NBEA: variants seen among roughly 807,000 people sequenced by gnomAD.
NBEA encodes the protein neurobeachin, also known as lysosomal-trafficking regulator 2.
NBEA carries 44 observed loss-of-function variants against 343.4 expected under a neutral mutation model. The observed-to-expected ratio is 0.13, with a 90% CI of 0.10 to 0.16. The LOEUF (loss-of-function observed/expected upper bound fraction) is 0.16, where lower values mean the gene tolerates loss of function less well. Ranked by LOEUF, NBEA falls within the 10% of genes least tolerant of loss-of-function variation. The probability of loss-of-function intolerance (pLI) is 1.00; values close to 1 mark genes in which losing one functional copy is unlikely to be tolerated. For synonymous variants in NBEA, 1,175 were observed against 1,238.7 expected (o/e 0.95, Z 1.08); for missense variants, 2,555 against 3,631.3 (o/e 0.70, Z 7.62).
At position 35,173,567 on chromosome 13, in the gene NBEA, A is replaced by G. The variant is rs751876530; in HGVS notation, c.4527A>G (p.Gln1509=). 3.1e-6 allele frequency: 5 copies of G among 1,611,860 alleles called. No homozygotes were observed. The Admixed American group carries it at 8.3e-5, about 27-fold the overall frequency. Residue 1509 remains glutamine, a synonymous_variant, in exon 27 of 59, where the codon CAA becomes CAG. Coordinates refer to ENST00000379939, the MANE Select transcript of NBEA (RefSeq NM_001385012.1). ...GCAGTAAACCTCAGGAAGTTCCTCA[A>G]AGTGTGACTGCTACAGCAGCTTCGA... ...HGSSKPQEVP[Q]SVTATAASKT...
intron 1 of NBEA, among the ~76,000 whole-genome samples, chr13:34,954,271 A>G (rs2059429229): frequency 6.6e-6 from 1 of 152,190 alleles, no homozygotes; most frequent in African/African-American, 2.4e-5. Context: ...CCAATCCCCC[A>G]GAGATATCAA....
At chr13:35,404,835 C>T (rs2043191637) in intron 38 of NBEA, among the ~76,000 whole-genome samples, 2 of 151,990 alleles carry the variant, frequency 1.3e-5, no homozygotes, top group African/African-American at 4.8e-5. Context: ...AGAGGAATGT[C>T]ATGTGATACG....
intron 47 of NBEA, among the ~76,000 whole-genome samples, chr13:35,593,896 T>C (rs1340246065): frequency 6.6e-6 from 1 of 152,088 alleles, no homozygotes; most frequent in Non-Finnish European, 1.5e-5. Context: ...CTTTTCCGTA[T>C]AGCCTTAGCT....
chr13:35,465,823 G>GTTTTTTTTTTTTT (rs35032851), intron 40 of NBEA, among the ~76,000 whole-genome samples: 1 of 146,242 alleles, frequency 6.8e-6, no homozygotes. Context: ...AAATGCAGCA[G>GTTTTTTTTTTTTT]TTTTTTTTTT....
intron 8 of NBEA, among the ~76,000 whole-genome samples, chr13:35,067,518 A>G (rs368264881): frequency 3.9e-5 from 6 of 152,128 alleles, no homozygotes; most frequent in African/African-American, 1.4e-4. Context: ...TAAACTTACA[A>G]AGTTGTGCGG....
intron 38 of NBEA, among the ~76,000 whole-genome samples, chr13:35,370,991 T>C (rs571996907): frequency 2.0e-5 from 3 of 152,226 alleles, no homozygotes; most frequent in African/African-American, 7.2e-5. Flanking sequence ...CTAGTCTGAT[T>C]GGGGTTTCCA....
chr13:35,084,596 A>T (rs1265300210), intron 10 of NBEA, among the ~76,000 whole-genome samples: 4 of 152,204 alleles, frequency 2.6e-5, no homozygotes, highest in African/African-American at 9.6e-5. Flanking sequence ...TGTAGAGGGA[A>T]ATTTATAGCA....
intron 38 of NBEA, among the ~76,000 whole-genome samples, chr13:35,428,114 C>T (rs546430962): frequency 1.2e-4 from 18 of 152,296 alleles, no homozygotes; most frequent in East Asian, 5.8e-4. Context: ...TGCTTTGGCT[C>T]GCACACGATC....
chr13:35,448,915 C>G (rs1157081055), intron 39 of NBEA, among the ~76,000 whole-genome samples: 1 of 152,004 alleles, frequency 6.6e-6, no homozygotes, highest in Non-Finnish European at 1.5e-5. Flanking sequence ...AAGCTGTTAA[C>G]GTGCAGTAGG....
intron 38 of NBEA, among the ~76,000 whole-genome samples, chr13:35,397,895 G>A (rs1441375598): frequency 6.6e-6 from 1 of 152,164 alleles, no homozygotes. Flanking sequence ...TGGAGTGTCT[G>A]TAGCAATCTC....
intron 45 of NBEA, among the ~76,000 whole-genome samples, chr13:35,570,166 T>C (rs1389862578): frequency 1.3e-5 from 2 of 152,180 alleles, no homozygotes; most frequent in East Asian, 3.9e-4. Context: ...CCCAAGTAGC[T>C]GGGATTACAA....
chr13:35,017,856 A>G (rs984165374), intron 1 of NBEA, among the ~76,000 whole-genome samples: 1 of 152,154 alleles, frequency 6.6e-6, no homozygotes, highest in Non-Finnish European at 1.5e-5. Flanking sequence ...GCATAATCCA[A>G]GACAAGAAAA....
intron 10 of NBEA, among the ~76,000 whole-genome samples, chr13:35,077,000 A>G (rs2064150531): frequency 6.6e-6 from 1 of 152,076 alleles, no homozygotes; most frequent in African/African-American, 2.4e-5. Flanking sequence ...GAAACCCAGA[A>G]TACTTTTAAT....
intron 17 of NBEA, among the ~76,000 whole-genome samples, chr13:35,125,923 C>T (rs1017183810): frequency 6.6e-5 from 10 of 152,024 alleles, no homozygotes; most frequent in Admixed American, 2.0e-4. Context: ...CGGAGGCTTA[C>T]GCAGGAGGAT....
chr13:34,965,045 A>G (rs1485383674), intron 1 of NBEA, among the ~76,000 whole-genome samples: 2 of 152,060 alleles, frequency 1.3e-5, no homozygotes, highest in African/African-American at 4.8e-5. Flanking sequence ...GTCTTCCATT[A>G]ACATTATATG....
intron 1 of NBEA, among the ~76,000 whole-genome samples, chr13:35,029,224 A>G (rs1217884258): frequency 6.6e-6 from 1 of 151,570 alleles, no homozygotes; most frequent in East Asian, 1.9e-4. Context: ...ATAATGATAT[A>G]TAAACATTTA....
At chr13:35,615,751 C>T (rs530683431) in intron 48 of NBEA, among the ~76,000 whole-genome samples, 2 of 152,196 alleles carry the variant, frequency 1.3e-5, no homozygotes, top group African/African-American at 2.4e-5. Flanking sequence ...CAAGAGGAGC[C>T]GTGGAGGAGA....
At chr13:34,982,590 C>T (rs530680184) in intron 1 of NBEA, among the ~76,000 whole-genome samples, 1 of 152,280 alleles carries the variant, frequency 6.6e-6, no homozygotes, top group African/African-American at 2.4e-5. Context: ...TGTGAGCCAC[C>T]ATGCCTCACC....
chr13:35,258,801 G>A (rs2032920835), intron 34 of NBEA, among the ~76,000 whole-genome samples: 2 of 151,896 alleles, frequency 1.3e-5, no homozygotes, highest in African/African-American at 2.4e-5. Flanking sequence ...TTTTAATGAT[G>A]GTGCAAAAAC....
Sources: gnomAD v4.1 joint callset for allele counts (sites outside exome capture counted in the v4.1 genomes callset) on GRCh38, gnomAD v4.1.1 for gene constraint, MANE v1.5 for transcripts, NCBI Gene and HGNC (gene_info 2026-07-23, HGNC 2026-07-21) for gene names.